Variants in ST3GAL6 observed in about 807,000 individuals in gnomAD.
ST3GAL6 encodes the protein ST3 beta-galactoside alpha-2,3-sialyltransferase 6.
In ST3GAL6, 31 loss-of-function variants were observed where a neutral mutation model predicts 40.5. The ratio of observed to expected loss-of-function variants is 0.77; its 90% CI spans 0.58 to 1.03. The LOEUF is 1.03. Ranked by LOEUF, ST3GAL6 falls within the 50% of genes least tolerant of loss-of-function variation. The pLI is 0.00. For synonymous variants in ST3GAL6, 129 were observed against 136.9 expected (o/e 0.94, Z 0.40); for missense variants, 357 against 393.2 (o/e 0.91, Z 0.78).
At chr3:98,754,576 G>C (rs1937273208) in intron 1 of ST3GAL6, among the ~76,000 whole-genome samples, 1 of 152,220 alleles carries the variant, frequency 6.6e-6, no homozygotes, top group Admixed American at 6.5e-5. Context: ...CGAGAGGATT[G>C]ACTGTAATTT....
In ST3GAL6 at chr3:98,794,041, A is replaced by G; in HGVS notation, c.*280A>G. On this transcript the variant is annotated 3_prime_UTR_variant, in exon 10 of 10. Coordinates refer to ENST00000483910, the MANE Select transcript of ST3GAL6 (RefSeq NM_001323368.2). ...TCACACGTCTTTTTATAGTTACTTC[A>G]TCTTAGATTTTTGAAGGGATATGAC... The G allele has an allele frequency of 4.6e-6, 1 of 216,824 alleles. No homozygotes were observed. Among genetic ancestry groups the G allele is most frequent in the South Asian group, 1.3e-4 (1 of 7,412 alleles). The allele number at this position is 216,824 out of a possible 1,614,324, so 13.4% of individuals were successfully genotyped here.
upstream of ST3GAL6, chr3:98,762,761 A>G (rs181581529): frequency 4.1e-6 from 4 of 984,392 alleles, no homozygotes; most frequent in South Asian, 1.9e-4. Context: ...CCACAATTTC[A>G]AAGTGTGGGC....
intron 6 of ST3GAL6, among the ~76,000 whole-genome samples, chr3:98,785,261 T>C (rs891240282): frequency 6.6e-6 from 1 of 152,190 alleles, no homozygotes; most frequent in African/African-American, 2.4e-5. Context: ...AGCATGCTTC[T>C]AGCCACAGGA....
intron 5 of ST3GAL6, among the ~76,000 whole-genome samples, chr3:98,775,091 G>A (rs1004140160): frequency 4.6e-5 from 7 of 152,086 alleles, no homozygotes; most frequent in Non-Finnish European, 8.8e-5. Context: ...AGAAACTGAG[G>A]CTAGGCACAC....
In ST3GAL6 at chr3:98,756,783, T is replaced by C. The variant is rs566379678; in HGVS notation, c.-11-11647T>C. 2.0e-5 allele frequency among the ~76,000 whole-genome samples: 3 copies of C among 152,304 alleles called. No homozygotes were observed. In the East Asian group the frequency reaches 5.8e-4, roughly 29 times the overall value. ...GCTATGAGAGTCTTAAATATTATTTTTATTCTCAGTTGAATGGGCCTTCTT... is the reference window on the plus strand; with the variant it reads ...GCTATGAGAGTCTTAAATATTATTTCTATTCTCAGTTGAATGGGCCTTCTT... On this transcript the variant is annotated intron_variant, in intron 1 of 9. Transcript: ENST00000265261.
intron 1 of ST3GAL6, among the ~76,000 whole-genome samples, chr3:98,736,751 C>G (rs961773566): frequency 6.6e-6 from 1 of 152,120 alleles, no homozygotes; most frequent in Non-Finnish European, 1.5e-5. Context: ...AGCCCCTGCT[C>G]TTACAGAGCT....
At chr3:98,736,930 GA>G (rs1228407640) in intron 1 of ST3GAL6, among the ~76,000 whole-genome samples, 1 of 152,236 alleles carries the variant, frequency 6.6e-6, no homozygotes. Flanking sequence ...TAGTCAGTAA[GA>G]TAGGAAGGCA....
chr3:98,755,421 G>A (rs2107360947), intron 1 of ST3GAL6, among the ~76,000 whole-genome samples: 1 of 152,272 alleles, frequency 6.6e-6, no homozygotes, highest in Admixed American at 6.5e-5. Context: ...TAAAAGATAA[G>A]AGTTATTTCA....
At chr3:98,744,797 A>AT (rs1936412481) in intron 1 of ST3GAL6, among the ~76,000 whole-genome samples, 1 of 152,060 alleles carries the variant, frequency 6.6e-6, no homozygotes, top group Non-Finnish European at 1.5e-5. Flanking sequence ...TGAAATCCTG[A>AT]TTTTCCAAAT....
chr3:98,753,930 C>G (rs886580989), intron 1 of ST3GAL6, among the ~76,000 whole-genome samples: 1 of 152,200 alleles, frequency 6.6e-6, no homozygotes, highest in East Asian at 1.9e-4. Context: ...TATTATTGCT[C>G]TACAGTGCAC....
intron 1 of ST3GAL6, among the ~76,000 whole-genome samples, chr3:98,768,174 C>A (rs540429648): frequency 2.6e-4 from 39 of 152,092 alleles, no homozygotes; most frequent in African/African-American, 8.2e-4. Context: ...AGGGGGAGGC[C>A]CCTACCTTTG....
At chr3:98,782,096 A>C (rs1940185182) in intron 5 of ST3GAL6, 1 of 618,086 alleles carries the variant, frequency 1.6e-6, no homozygotes, top group South Asian at 1.9e-5. Flanking sequence ...TCTCAGCCAT[A>C]CTACATGGCC....
upstream of ST3GAL6, chr3:98,762,590 G>A (rs1458675256): frequency 4.1e-6 from 1 of 243,002 alleles, no homozygotes; most frequent in Admixed American, 6.5e-5. Context: ...TTAATTATGA[G>A]ATTAATAGCT....
chr3:98,757,436 T>A (rs1231418756), intron 1 of ST3GAL6, among the ~76,000 whole-genome samples: 1 of 152,190 alleles, frequency 6.6e-6, no homozygotes, highest in African/African-American at 2.4e-5. Flanking sequence ...CTTGAGGACC[T>A]GAATCAAGGC....
chr3:98,760,420 G>A (rs556341236), upstream of ST3GAL6, among the ~76,000 whole-genome samples: 96 of 152,252 alleles, frequency 6.3e-4, no homozygotes, highest in African/African-American at 2.2e-3. Flanking sequence ...TTTAATTCTC[G>A]TAGCAGATAA....
intron 1 of ST3GAL6, among the ~76,000 whole-genome samples, chr3:98,737,298 A>T (rs553701383): frequency 4.1e-4 from 63 of 152,228 alleles, no homozygotes; most frequent in African/African-American, 1.5e-3. Flanking sequence ...TGATCCGCCC[A>T]CTTCGGCCTC....
In ST3GAL6 at chr3:98,757,897, A is replaced by T. The variant is rs371681543; in HGVS notation, c.-11-10533A>T. ...GTTGCCCAGGCTGGAGTGCAGTGGC[A>T]CGATTTTGGCTCACTGCAACCTCTG... On this transcript the variant is annotated intron_variant, in intron 1 of 9. Transcript: ENST00000265261. Among the ~76,000 whole-genome samples, 11 of 150,634 alleles carry T rather than the reference A, an allele frequency of 7.3e-5. No homozygotes were observed. In the East Asian group the frequency reaches 7.8e-4, roughly 11 times the overall value.
chr3:98,734,719 G>T (rs1935379110), intron 1 of ST3GAL6, among the ~76,000 whole-genome samples: 1 of 152,120 alleles, frequency 6.6e-6, no homozygotes, highest in African/African-American at 2.4e-5. Flanking sequence ...CTCAAGAATA[G>T]ACAGTATTGA....
At chr3:98,742,928 G>A (rs571879346) in intron 1 of ST3GAL6, among the ~76,000 whole-genome samples, 84 of 150,078 alleles carry the variant, frequency 5.6e-4, no homozygotes, top group Non-Finnish European at 9.0e-4. Context: ...TCAAACTCCC[G>A]ACCTCAGGTG....
Sources: allele counts gnomAD v4.1 joint callset (sites outside exome capture counted in the v4.1 genomes callset), GRCh38; gene constraint gnomAD v4.1.1; transcripts MANE v1.5; gene names NCBI Gene and HGNC (gene_info 2026-07-23, HGNC 2026-07-21).